The following NRXN3 variants were observed in gnomAD, a reference collection of about 807,000 sequenced individuals.
NRXN3 encodes the protein neurexin 3, also known as neurexin III.
NRXN3 carries 32 observed loss-of-function variants against 137.6 expected under a neutral mutation model. The ratio of observed to expected loss-of-function variants is 0.23; its 90% confidence interval spans 0.18 to 0.31. NRXN3 has a LOEUF of 0.31. NRXN3 is among the 10% of genes least tolerant of loss of function. The pLI is 1.00. For synonymous variants in NRXN3, 798 were observed against 784.5 expected (o/e 1.02, Z -0.29); for missense variants, 1,574 against 2,062.5 (o/e 0.76, Z 4.59).
chr14:79,527,422 T>G (rs1398663440), intron 16 of NRXN3, among the ~76,000 whole-genome samples: 1 of 150,132 alleles, frequency 6.7e-6, no homozygotes, highest in African/African-American at 2.5e-5. Flanking sequence ...GGATGGAAAG[T>G]GGTCTCTTAA....
intron 2 of NRXN3, among the ~76,000 whole-genome samples, chr14:78,272,996 G>A (rs1411853200): frequency 3.3e-5 from 5 of 152,176 alleles, no homozygotes; most frequent in Admixed American, 6.5e-5. Context: ...ATGTATACAC[G>A]CATATTTGCA....
At chr14:78,651,790 C>T (rs942125920) in intron 6 of NRXN3, among the ~76,000 whole-genome samples, 2 of 149,928 alleles carry the variant, frequency 1.3e-5, no homozygotes, top group Admixed American at 1.3e-4. Flanking sequence ...AAAGACCTGA[C>T]CCCATGATTT....
At chr14:78,673,643 T>C (rs1286345932) in intron 6 of NRXN3, among the ~76,000 whole-genome samples, 1 of 152,230 alleles carries the variant, frequency 6.6e-6, no homozygotes, top group Non-Finnish European at 1.5e-5. Context: ...GATCAAGGCC[T>C]GCTTCTTGGT....
At chr14:78,624,779 C>T (rs559862461) in intron 4 of NRXN3, among the ~76,000 whole-genome samples, 9 of 152,024 alleles carry the variant, frequency 5.9e-5, no homozygotes, top group Non-Finnish European at 8.8e-5. Flanking sequence ...CCCAGTCCCA[C>T]GTCTACTGAC....
intron 15 of NRXN3, among the ~76,000 whole-genome samples, chr14:79,259,709 T>TACACACACAC (rs71131688): frequency 7.2e-5 from 10 of 139,762 alleles, no homozygotes; most frequent in African/African-American, 2.1e-4. Flanking sequence ...TATAGTTTTA[T>TACACACACAC]ACACACACAC....
At chr14:78,989,032 C>G (rs1418433346) in intron 15 of NRXN3, among the ~76,000 whole-genome samples, 1 of 152,042 alleles carries the variant, frequency 6.6e-6, no homozygotes, top group African/African-American at 2.4e-5. Flanking sequence ...CTTGATGTGA[C>G]CATAGTAAAG....
intron 3 of NRXN3, among the ~76,000 whole-genome samples, chr14:78,281,110 G>A (rs1390027304): frequency 1.3e-5 from 2 of 152,146 alleles, no homozygotes; most frequent in Non-Finnish European, 2.9e-5. Flanking sequence ...CTTTTTTGTG[G>A]TTTCTGAGCC....
chr14:78,615,587 G>A (rs184213603), intron 4 of NRXN3, among the ~76,000 whole-genome samples: 7 of 151,976 alleles, frequency 4.6e-5, no homozygotes, highest in Admixed American at 3.9e-4. Context: ...CTTCAGCCTG[G>A]GCGACAGTGT....
intron 16 of NRXN3, among the ~76,000 whole-genome samples, chr14:79,497,316 C>G (rs74070239): frequency 0.025 from 3,882 of 152,260 alleles, 185 homozygotes; most frequent in African/African-American, 0.089. Context: ...TTACTATCCT[C>G]CAGACAGGTT....
At chr14:78,628,520 T>C (rs2097489384) in intron 4 of NRXN3, among the ~76,000 whole-genome samples, 1 of 152,186 alleles carries the variant, frequency 6.6e-6, no homozygotes, top group African/African-American at 2.4e-5. Context: ...CAATAAAGGT[T>C]TGCTGAATGA....
At position 78,903,520 on chromosome 14, in the gene NRXN3, C is replaced by T. The variant is rs964759672; in HGVS notation, c.2276-53722C>T. Among the ~76,000 whole-genome samples the T allele has an allele frequency of 2.0e-5, 3 of 152,068 alleles. No individual in the cohort carries two copies. In the East Asian group the frequency reaches 5.8e-4, roughly 29 times the overall value. On this transcript the variant is annotated intron_variant, in intron 10 of 20. Coordinates refer to ENST00000335750, the MANE Select transcript of NRXN3 (RefSeq NM_001330195.2). ...GACATATGTGTTAAATTGCATACTT[C>T]CCATTTCCTGAATGGAGGTGAAATA...
chr14:79,720,096 A>G (rs1341061517), intron 19 of NRXN3, among the ~76,000 whole-genome samples: 1 of 152,132 alleles, frequency 6.6e-6, no homozygotes, highest in African/African-American at 2.4e-5. Context: ...TTATAAAGGA[A>G]AGAGGTTTAA....
intron 15 of NRXN3, among the ~76,000 whole-genome samples, chr14:79,082,136 CAT>C: frequency 6.6e-6 from 1 of 151,560 alleles, no homozygotes; most frequent in Non-Finnish European, 1.5e-5. Flanking sequence ...CCACTTAAAA[CAT>C]ATACAAAACT....
At chr14:79,065,321 A>G (rs1359904260) in intron 15 of NRXN3, among the ~76,000 whole-genome samples, 3 of 152,102 alleles carry the variant, frequency 2.0e-5, no homozygotes. Flanking sequence ...GGTCAGGTAG[A>G]ACATTAGTTT....
intron 15 of NRXN3, among the ~76,000 whole-genome samples, chr14:79,104,398 A>G (rs963593081): frequency 2.0e-5 from 3 of 152,154 alleles, no homozygotes; most frequent in Non-Finnish European, 4.4e-5. Flanking sequence ...GGTAGGGGGA[A>G]CACAGGGCAC....
At chr14:78,262,790 TG>T (rs1330353897) in intron 2 of NRXN3, among the ~76,000 whole-genome samples, 1 of 152,200 alleles carries the variant, frequency 6.6e-6, no homozygotes, top group African/African-American at 2.4e-5. Flanking sequence ...AATCTGAGGC[TG>T]GGGAGTCAGC....
At chr14:79,203,337 A>G (rs2066328003) in intron 15 of NRXN3, among the ~76,000 whole-genome samples, 1 of 152,258 alleles carries the variant, frequency 6.6e-6, no homozygotes, top group Non-Finnish European at 1.5e-5. Flanking sequence ...AGAGATATAC[A>G]CAACAGACAA....
rs867745545 is a variant in NRXN3, at chr14:78,926,927, A to T, written c.2276-30315A>T. Among the ~76,000 whole-genome samples the T allele has an allele frequency of 4.1e-3, 122 of 29,738 alleles. 17 individuals carry two copies. The highest frequency in any genetic ancestry group is 5.4e-3 in the Non-Finnish European group (114 of 20,956). The allele number at this position is 29,738 out of a possible 152,430, so 19.5% of individuals were successfully genotyped here. A position where few individuals can be genotyped will look rare whatever the true frequency, so the allele number is the denominator to read the frequency against. On this transcript the variant is annotated intron_variant, in intron 10 of 20. Coordinates refer to ENST00000335750, the MANE Select transcript of NRXN3 (RefSeq NM_001330195.2). Reference sequence around the variant, plus strand: ...TATATATAATATATATATAATATATAATATATTTATATATATATATAATAT... The same window carrying T: ...TATATATAATATATATATAATATATTATATATTTATATATATATATAATAT...
chr14:79,135,862 C>G (rs1057435775), intron 15 of NRXN3, among the ~76,000 whole-genome samples: 2 of 152,184 alleles, frequency 1.3e-5, no homozygotes, highest in Admixed American at 6.5e-5. Flanking sequence ...TAAGATCACA[C>G]AGCTCATTGT....
Sources: gnomAD v4.1 joint callset for allele counts (sites outside exome capture counted in the v4.1 genomes callset) on GRCh38, gnomAD v4.1.1 for gene constraint, MANE v1.5 for transcripts, NCBI Gene and HGNC (gene_info 2026-07-23, HGNC 2026-07-21) for gene names.